Variants in MYL4 observed in about 807,000 individuals in gnomAD.
MYL4 encodes myosin light chain 4.
In MYL4, 16 loss-of-function variants were observed where a neutral mutation model predicts 21.6. The ratio of observed to expected loss-of-function variants is 0.74; its 90% CI spans 0.50 to 1.12. The LOEUF is 1.12. Ranked by LOEUF, MYL4 falls within the 50% of genes most tolerant of loss-of-function variation. The pLI, the probability that MYL4 is intolerant of heterozygous loss-of-function variation, is 0.00. For missense variants in MYL4, 249 were observed against 252.9 expected, an observed-to-expected ratio of 0.98 and a Z score of 0.11; for synonymous variants, 82 against 95.7, an observed-to-expected ratio of 0.86 and a Z score of 0.83.
chr17:47,197,333 C>T (rs192112182), upstream of MYL4, among the ~76,000 whole-genome samples: 1 of 152,072 alleles, frequency 6.6e-6, no homozygotes, highest in Non-Finnish European at 1.5e-5. Flanking sequence ...CTCCTGACTT[C>T]GTGATCTGCC....
chr17:47,226,289 G>A (rs981903858), downstream of MYL4, among the ~76,000 whole-genome samples: 28 of 152,314 alleles, frequency 1.8e-4, no homozygotes, highest in African/African-American at 6.3e-4. Context: ...AAAGAAGTGA[G>A]GCATTACAAA....
chr17:47,199,046 A>T (rs916017868), upstream of MYL4, among the ~76,000 whole-genome samples: 1 of 151,368 alleles, frequency 6.6e-6, no homozygotes, highest in African/African-American at 2.4e-5. Flanking sequence ...CATCCTGGCT[A>T]ACAAGGTGAA....
Position 47,209,480 on chromosome 17 carries a change from G to T in MYL4, c.58G>T (p.Ala20Ser). ...GGCAGCCAAGCCAGCTCCAGCTCCA[G>T]CTCCAGCCCCTGCACCAGCCCCTGC... ...KEAAKPAPAPAPAPAPAPAPA... is the reference protein window; with the variant it reads ...KEAAKPAPAPSPAPAPAPAPA... The change falls in exon 1 of 7, where the codon GCT becomes TCT. Residue 20 changes from alanine (A) to serine (S), a missense_variant. By Grantham distance (99) the Ala-to-Ser change is moderately conservative. Transcript: ENST00000393450. 1 of 1,614,210 alleles carries T rather than the reference G, an allele frequency of 6.2e-7. No individual in the cohort carries two copies. Among genetic ancestry groups the T allele is most frequent in the Non-Finnish European group, 8.5e-7 (1 of 1,180,046 alleles).
At chr17:47,198,614 G>A (rs1371907994), upstream of MYL4, among the ~76,000 whole-genome samples, 1 of 152,154 alleles carries the variant, frequency 6.6e-6, no homozygotes, top group Non-Finnish European at 1.5e-5. Flanking sequence ...ATGTGATTTG[G>A]GAGATAGAGG....
chr17:47,220,204 C>T (rs2064845476), intron 3 of MYL4, 151 bp downstream of exon 3: 1 of 965,914 alleles, frequency 1.0e-6, no homozygotes, highest in Non-Finnish European at 1.5e-6. Context: ...TACCCTAGTC[C>T]CATTTTGAGA....
chr17:47,204,297 A>G (rs1014013613), upstream of MYL4, among the ~76,000 whole-genome samples: 1 of 152,080 alleles, frequency 6.6e-6, no homozygotes, highest in African/African-American at 2.4e-5. Context: ...ACACACACCA[A>G]TTCAAAACAA....
chr17:47,190,407 G>A, the MYL4 span, among the ~76,000 whole-genome samples: 1 of 152,126 alleles, frequency 6.6e-6, no homozygotes, highest in Non-Finnish European at 1.5e-5. Flanking sequence ...GAGTGAACCA[G>A]GGGACTGTTT....
the MYL4 span, among the ~76,000 whole-genome samples, chr17:47,194,496 G>A: frequency 6.6e-6 from 1 of 152,108 alleles, no homozygotes; most frequent in Non-Finnish European, 1.5e-5. Flanking sequence ...TGCCAAAGTG[G>A]CATATATCAG....
chr17:47,195,234 T>C, the MYL4 span, among the ~76,000 whole-genome samples: 2 of 150,908 alleles, frequency 1.3e-5, no homozygotes, highest in African/African-American at 4.9e-5. Flanking sequence ...GGCTAATTTT[T>C]TTTTTTTTTT....
intron 1 of MYL4, among the ~76,000 whole-genome samples, chr17:47,212,348 C>T (rs1170594567): frequency 6.6e-6 from 1 of 152,204 alleles, no homozygotes; most frequent in South Asian, 2.1e-4. Context: ...TTACTTCATT[C>T]AACAAATGTT....
upstream of MYL4, among the ~76,000 whole-genome samples, chr17:47,199,304 A>C (rs2064701017): frequency 2.0e-5 from 2 of 99,206 alleles, no homozygotes; most frequent in South Asian, 9.0e-4. Flanking sequence ...CTTTGTCTCA[A>C]AAAAAAAAAA....
chr17:47,203,880 A>G (rs560383913), intron 1 of MYL4, among the ~76,000 whole-genome samples: 4 of 152,340 alleles, frequency 2.6e-5, no homozygotes, highest in South Asian at 4.1e-4. Context: ...GACTCATAAA[A>G]TAACTCTCCA....
chr17:47,193,857 G>A, the MYL4 span, among the ~76,000 whole-genome samples: 1 of 152,150 alleles, frequency 6.6e-6, no homozygotes, highest in Non-Finnish European at 1.5e-5. Context: ...CCAGGTTCAA[G>A]CGATTCTCCT....
chr17:47,211,819 T>G (rs993764187), intron 1 of MYL4, among the ~76,000 whole-genome samples: 1 of 151,222 alleles, frequency 6.6e-6, no homozygotes, highest in African/African-American at 2.4e-5. Context: ...TGACGGCACT[T>G]GAAGAAGAGG....
At chr17:47,224,847 A>G (rs1793453337), downstream of MYL4, among the ~76,000 whole-genome samples, 1 of 152,166 alleles carries the variant, frequency 6.6e-6, no homozygotes, top group African/African-American at 2.4e-5. Context: ...TGCCCTGGAA[A>G]GAGTCAGGGT....
intron 1 of MYL4, among the ~76,000 whole-genome samples, chr17:47,201,333 C>T (rs1262036318): frequency 1.3e-5 from 2 of 151,928 alleles, no homozygotes; most frequent in Non-Finnish European, 2.9e-5. Flanking sequence ...TTTTTTTCCT[C>T]CCTCCTTGGT....
At chr17:47,193,399 C>T in the MYL4 span, among the ~76,000 whole-genome samples, 2 of 152,110 alleles carry the variant, frequency 1.3e-5, no homozygotes, top group African/African-American at 4.8e-5. Flanking sequence ...CCCTGAGTAG[C>T]TGAATTTACA....
chr17:47,201,467 C>A (rs111564144), intron 1 of MYL4, among the ~76,000 whole-genome samples: 4 of 132,976 alleles, frequency 3.0e-5, no homozygotes, highest in African/African-American at 1.1e-4. Context: ...TTTTTTTTTT[C>A]TTTTTTGAGG....
upstream of MYL4, among the ~76,000 whole-genome samples, chr17:47,205,568 C>G (rs973107531): frequency 4.6e-5 from 7 of 152,166 alleles, no homozygotes; most frequent in Non-Finnish European, 8.8e-5. Context: ...CTTCTTCATG[C>G]ATGGCTCTTT....
Sources: gnomAD v4.1 joint callset for allele counts (sites outside exome capture counted in the v4.1 genomes callset) on GRCh38, gnomAD v4.1.1 for gene constraint, MANE v1.5 for transcripts, NCBI Gene and HGNC (gene_info 2026-07-23, HGNC 2026-07-21) for gene names.